Variants in ASIC2 observed in about 807,000 individuals in gnomAD.
ASIC2 encodes the protein acid-sensing ion channel 2.
A neutral mutation model predicts 57.3 loss-of-function variants in ASIC2; 25 were observed. That is an observed-to-expected ratio of 0.44 (90% CI 0.32 to 0.61). The LOEUF is 0.61. ASIC2 is among the 20% of genes least tolerant of loss of function. The pLI is 0.06. For missense variants in ASIC2, 641 were observed against 738.1 expected (o/e 0.87, Z 1.52); for synonymous variants, 319 against 307.5 (o/e 1.04, Z -0.39).
At chr17:33,964,615 C>T (rs918699377) in intron 1 of ASIC2, among the ~76,000 whole-genome samples, 4 of 152,228 alleles carry the variant, frequency 2.6e-5, no homozygotes, top group African/African-American at 9.6e-5. Flanking sequence ...CACTTTCATC[C>T]TTGTGTCATT....
intron 1 of ASIC2, among the ~76,000 whole-genome samples, chr17:33,366,357 A>T (rs1908809042): frequency 6.6e-6 from 1 of 152,104 alleles, no homozygotes; most frequent in African/African-American, 2.4e-5. Context: ...CCTTCCTCTT[A>T]TACTCTCTTC....
chr17:33,331,204 C>G, intron 1 of ASIC2, among the ~76,000 whole-genome samples: 1 of 152,178 alleles, frequency 6.6e-6, no homozygotes, highest in East Asian at 1.9e-4. Context: ...ACCATTTCAT[C>G]CCACAACCAC....
intron 1 of ASIC2, among the ~76,000 whole-genome samples, chr17:33,405,047 T>C (rs748577527): frequency 1.3e-5 from 2 of 151,934 alleles, no homozygotes; most frequent in Non-Finnish European, 2.9e-5. Flanking sequence ...TCTGGGCTAA[T>C]GTTAGAGTAG....
intron 1 of ASIC2, among the ~76,000 whole-genome samples, chr17:33,492,408 T>A (rs1375204708): frequency 6.6e-6 from 1 of 152,212 alleles, no homozygotes. Context: ...GTCATGGAGA[T>A]GTGAAGATTC....
chr17:33,404,784 T>C (rs1298253498), intron 1 of ASIC2, among the ~76,000 whole-genome samples: 2 of 152,256 alleles, frequency 1.3e-5, no homozygotes, highest in Non-Finnish European at 2.9e-5. Flanking sequence ...GTTTCAGTTT[T>C]ATCAAAGTTC....
At chr17:33,162,475 G>C (rs1021657818) in intron 1 of ASIC2, among the ~76,000 whole-genome samples, 6 of 152,198 alleles carry the variant, frequency 3.9e-5, no homozygotes, top group African/African-American at 1.4e-4. Flanking sequence ...CTGGAAGTCA[G>C]CTGTTGAAAT....
At chr17:33,077,953 C>A (rs1207509491) in intron 3 of ASIC2, among the ~76,000 whole-genome samples, 1 of 152,140 alleles carries the variant, frequency 6.6e-6, no homozygotes, top group Non-Finnish European at 1.5e-5. Flanking sequence ...TTGGCCTATG[C>A]ATGGAAGTGT....
At chr17:33,665,430 G>A (rs112776718) in intron 1 of ASIC2, among the ~76,000 whole-genome samples, 74 of 152,204 alleles carry the variant, frequency 4.9e-4, no homozygotes, top group African/African-American at 1.6e-3. Flanking sequence ...TAGGAATGGC[G>A]TACCCATGTC....
In ASIC2 at chr17:33,912,672, A is replaced by G. The variant is rs181885040; in HGVS notation, c.555+243306T>C. On this transcript the variant is annotated intron_variant, in intron 1 of 9. Coordinates refer to the ASIC2 transcript ENST00000359872. Reference sequence around the variant, plus strand: ...TGCCCAGAAAAACTAGAGACTGTCAATAGCATTTTAAAAATTATAGACTAG... The same window carrying G: ...TGCCCAGAAAAACTAGAGACTGTCAGTAGCATTTTAAAAATTATAGACTAG... Among the ~76,000 whole-genome samples, 185 of 152,202 alleles carry G rather than the reference A, an allele frequency of 1.2e-3. 4 individuals carry two copies. The highest frequency in any genetic ancestry group is 4.4e-3 in the African/African-American group (181 of 41,510).
At chr17:33,752,124 AC>A (rs1444192253) in intron 1 of ASIC2, among the ~76,000 whole-genome samples, 1 of 152,142 alleles carries the variant, frequency 6.6e-6, no homozygotes, top group East Asian at 1.9e-4. Context: ...GTAGAGACTG[AC>A]CCAGGAACAC....
At chr17:34,151,125 A>AAAAAAAAG (rs56390397) in intron 1 of ASIC2, among the ~76,000 whole-genome samples, 1 of 147,236 alleles carries the variant, frequency 6.8e-6, no homozygotes, top group Non-Finnish European at 1.5e-5. Flanking sequence ...AAAAAAAAAA[A>AAAAAAAAG]TAAAGAGGTA....
At chr17:33,338,425 G>T (rs1435465466) in intron 1 of ASIC2, among the ~76,000 whole-genome samples, 1 of 152,196 alleles carries the variant, frequency 6.6e-6, no homozygotes, top group Non-Finnish European at 1.5e-5. Context: ...AGAAGTGGGA[G>T]AATCAGGGGT....
intron 1 of ASIC2, among the ~76,000 whole-genome samples, chr17:33,215,889 CGG>C (rs1907463752): frequency 6.6e-6 from 1 of 151,976 alleles, no homozygotes; most frequent in South Asian, 2.1e-4. Context: ...TTAGTAGAGA[CGG>C]GGTTTCACCG....
intron 1 of ASIC2, among the ~76,000 whole-genome samples, chr17:33,985,934 A>G (rs1905803532): frequency 6.6e-6 from 1 of 152,184 alleles, no homozygotes; most frequent in African/African-American, 2.4e-5. Flanking sequence ...TGCCTGAAAC[A>G]TTCTCTGACA....
intron 1 of ASIC2, among the ~76,000 whole-genome samples, chr17:33,855,845 G>T (rs1317737087): frequency 6.6e-6 from 1 of 152,180 alleles, no homozygotes; most frequent in Non-Finnish European, 1.5e-5. Flanking sequence ...TCATGAGACA[G>T]GAGTAGCCAA....
At chr17:33,471,280 TTGTTGAGCTCAC>T (rs1373315334) in intron 1 of ASIC2, among the ~76,000 whole-genome samples, 1 of 152,190 alleles carries the variant, frequency 6.6e-6, no homozygotes, top group Non-Finnish European at 1.5e-5. Flanking sequence ...CTAGTTGGGA[TTGTTGAGCTCAC>T]TGACTGGCCA....
chr17:33,920,009 G>C (rs1915674034), intron 1 of ASIC2, among the ~76,000 whole-genome samples: 1 of 152,044 alleles, frequency 6.6e-6, no homozygotes, highest in South Asian at 2.1e-4. Context: ...TAATTAAAAA[G>C]TCAAAAAACA....
chr17:33,448,713 C>G (rs1193902025), intron 1 of ASIC2, among the ~76,000 whole-genome samples: 1 of 152,226 alleles, frequency 6.6e-6, no homozygotes, highest in Non-Finnish European at 1.5e-5. Flanking sequence ...GCCTCCAGAA[C>G]TGTGAAATAC....
In ASIC2 at chr17:33,833,084, A is replaced by G. The variant is rs537763734; in HGVS notation, c.555+322894T>C. The stretch of plus-strand genomic sequence containing the variant: ...AGAGTTATAGTTGAATCTTAAGTAG[A>G]CACACATGCATAAAGATCAAATATG... On this transcript the variant is annotated intron_variant, in intron 1 of 9. Coordinates refer to the ASIC2 transcript ENST00000359872. Among the ~76,000 whole-genome samples, 9 of 152,344 alleles carry G rather than the reference A, an allele frequency of 5.9e-5. No individual in the cohort carries two copies. In the South Asian group the frequency reaches 1.9e-3, roughly 32 times the overall value.
Sources: allele counts gnomAD v4.1 joint callset (sites outside exome capture counted in the v4.1 genomes callset), GRCh38; gene constraint gnomAD v4.1.1; transcripts MANE v1.5; gene names NCBI Gene and HGNC (gene_info 2026-07-23, HGNC 2026-07-21).